Variants in TP53BP2 observed in about 807,000 individuals in gnomAD.
The protein encoded by TP53BP2 is apoptosis-stimulating of p53 protein 2.
In TP53BP2, 62 loss-of-function variants were observed where a neutral mutation model predicts 126.2. That is an observed-to-expected ratio of 0.49 (90% CI 0.40 to 0.61). TP53BP2 has a LOEUF of 0.61. TP53BP2 is among the 20% of genes least tolerant of loss of function. TP53BP2 has a pLI of 0.00. For synonymous variants in TP53BP2, 485 were observed against 502.9 expected, an observed-to-expected ratio of 0.96 and a Z score of 0.48; for missense variants, 1,215 against 1,402.8, an observed-to-expected ratio of 0.87 and a Z score of 2.14.
intron 15 of TP53BP2, 39 bp downstream of exon 15, chr1:223,792,350 A>G (rs1363468888): frequency 1.3e-6 from 2 of 1,569,196 alleles, no homozygotes. Context: ...ACCGATTCCC[A>G]CAACTGAAGT....
chr1:223,843,849 C>A (rs538154365), intron 1 of TP53BP2, among the ~76,000 whole-genome samples: 2 of 152,302 alleles, frequency 1.3e-5, no homozygotes, highest in South Asian at 4.1e-4. Flanking sequence ...ACACATATAA[C>A]ATGAGTCTAC....
intron 1 of TP53BP2, 30 bp downstream of exon 1, chr1:223,845,624 G>A (rs762689675): frequency 1.3e-6 from 2 of 1,543,114 alleles, no homozygotes; most frequent in Non-Finnish European, 1.7e-6. Context: ...ACACTTCCGG[G>A]CCCGACGCCC....
At chr1:223,810,258 C>CA (rs1662866347) in intron 4 of TP53BP2, among the ~76,000 whole-genome samples, 173 bp downstream of exon 4, 1 of 152,208 alleles carries the variant, frequency 6.6e-6, no homozygotes, top group South Asian at 2.1e-4. Context: ...TTCCAATAGT[C>CA]AGCCATATAC....
chr1:223,815,238 C>T (rs1663045341), intron 2 of TP53BP2, among the ~76,000 whole-genome samples: 1 of 152,212 alleles, frequency 6.6e-6, no homozygotes, highest in South Asian at 2.1e-4. Flanking sequence ...ACAGAGCAGG[C>T]AAGCATTCAC....
intron 1 of TP53BP2, among the ~76,000 whole-genome samples, chr1:223,839,205 C>T (rs776912451): frequency 1.3e-4 from 20 of 152,138 alleles, no homozygotes; most frequent in Non-Finnish European, 2.5e-4. Flanking sequence ...GCAGACAGTT[C>T]GAATCTCATT....
intron 13 of TP53BP2, among the ~76,000 whole-genome samples, chr1:223,794,779 CT>C (rs560528399): frequency 4.6e-5 from 7 of 152,206 alleles, no homozygotes; most frequent in East Asian, 3.9e-4. Context: ...TATTTTAAAA[CT>C]TTTTTTTCTA....
chr1:223,784,469 G>A (rs1661882245), intron 16 of TP53BP2, among the ~76,000 whole-genome samples, 155 bp from the exon 17 acceptor site: 1 of 152,064 alleles, frequency 6.6e-6, no homozygotes, highest in Non-Finnish European at 1.5e-5. Flanking sequence ...TGAGGTGGGG[G>A]GTAGCATGCA....
At position 223,795,933 on chromosome 1, in the gene TP53BP2, A is replaced by T. The variant is rs1571844547; in HGVS notation, c.2606T>A (p.Leu869Gln). The T allele has an allele frequency of 1.2e-6, 2 of 1,614,050 alleles. No individual in the cohort carries two copies. The highest frequency in any genetic ancestry group is 8.5e-7 in the Non-Finnish European group (1 of 1,179,990). The change falls in exon 13 of 18, where the codon CTG (leucine) becomes CAG (glutamine). Residue 869 changes from leucine (L) to glutamine (Q), a missense_variant. By Grantham distance (113) the Leu-to-Gln change is moderately radical. Around this residue, in one of 4 missense-constraint regions of TP53BP2, gnomAD observed 204 missense variants for 225.7 expected, o/e 0.90. Transcript: ENST00000343537. ...GGGTGGGTATGGAGGGTACTCCTCC[A>T]GGTACACATCAAGCACATGTGGAGC... is the stretch of plus-strand genomic sequence containing the variant. Reference protein sequence around the residue: ...PEAPHVLDVYLEEYPPYPPPP... With the variant: ...PEAPHVLDVYQEEYPPYPPPP...
intron 1 of TP53BP2, among the ~76,000 whole-genome samples, chr1:223,827,220 GA>G (rs1663529572): frequency 6.6e-6 from 1 of 152,184 alleles, no homozygotes; most frequent in East Asian, 1.9e-4. Context: ...CTAGAGACAG[GA>G]AAGAATGCTG....
chr1:223,845,377 C>CT, intron 1 of TP53BP2: 1 of 558,882 alleles, frequency 1.8e-6, no homozygotes, highest in Non-Finnish European at 2.3e-6. Context: ...TGAGTGGCTG[C>CT]TGGGCTCGCG....
rs1314637633 is a variant in TP53BP2, at chr1:223,793,287, CTAATTA to C, written c.2862+10_2862+15del. On this transcript the variant is annotated intron_variant, in intron 14 of 17. Coordinates refer to ENST00000343537, the MANE Select transcript of TP53BP2 (RefSeq NM_001031685.3). ...ACTCTGACTCAAAAAAAAAAATTTACTAATTATAATCATACCTCATAAATAATTCTC... is the reference window on the plus strand; with the variant it reads ...ACTCTGACTCAAAAAAAAAAATTTACTAATCATACCTCATAAATAATTCTC... 2 of 1,505,294 alleles carry C rather than the reference CTAATTA, an allele frequency of 1.3e-6. No individual in the cohort carries two copies. Among genetic ancestry groups the C allele is most frequent in the Non-Finnish European group, 1.8e-6 (2 of 1,128,080 alleles). 93.2% of individuals were successfully genotyped at this position (1,505,294 alleles called of 1,614,324 possible).
chr1:223,803,312 A>G lies in TP53BP2; in HGVS notation c.790T>C (p.Ser264Pro), dbSNP rs1369627901. Residue 264 changes from serine (S) to proline (P), a missense_variant, in exon 7 of 18, where the codon TCT (serine) becomes CCT (proline). Physicochemically the swap from Ser to Pro is moderately conservative, Grantham distance 74. Coordinates refer to ENST00000343537, the MANE Select transcript of TP53BP2 (RefSeq NM_001031685.3). ...AGGCGATCAAGCTCAGCCACTGCAG[A>G]CTGATTGTCATGGTGGCTGTCGATC... ...GRIDSHHDNQSAVAELDRLYK... is the reference protein window; with the variant it reads ...GRIDSHHDNQPAVAELDRLYK... The G allele has an allele frequency of 2.5e-6, 4 of 1,613,424 alleles. No individual in the cohort carries two copies. The South Asian group carries it at 3.3e-5, about 13-fold the overall frequency.
chr1:223,806,561 C>T (rs1363636274), intron 5 of TP53BP2, among the ~76,000 whole-genome samples: 4 of 152,130 alleles, frequency 2.6e-5, no homozygotes, highest in South Asian at 2.1e-4. Flanking sequence ...CGGGGGTTCA[C>T]GCCTGTAATC....
In TP53BP2 at chr1:223,798,512, T is replaced by C. The variant is rs1448717947; in HGVS notation, c.1651A>G (p.Lys551Glu). The C allele has an allele frequency of 1.9e-6, 3 of 1,614,022 alleles. No individual in the cohort carries two copies. The African/African-American group carries it at 4.0e-5, about 22-fold the overall frequency. The change falls in exon 12 of 18, where the codon AAA becomes GAA. Residue 551 changes from lysine (K) to glutamate (E), a missense_variant. Coordinates refer to ENST00000343537, the MANE Select transcript of TP53BP2 (RefSeq NM_001031685.3). ...ACTCTCGGCTGCTGCCCTGCTGGTT[T>C]TGGTTTAGTTCCCATGGACGGAACA... ...TVVPSMGTKP[K>E]PAGQQPRVLL...
At chr1:223,782,471 A>G (rs1047024214) in intron 17 of TP53BP2, among the ~76,000 whole-genome samples, 13 of 152,176 alleles carry the variant, frequency 8.5e-5, no homozygotes, top group African/African-American at 2.9e-4. Context: ...AACAGCCTTT[A>G]TATTTCTACT....
chr1:223,820,666 G>C (rs912306916), intron 2 of TP53BP2, among the ~76,000 whole-genome samples: 1 of 152,184 alleles, frequency 6.6e-6, no homozygotes, highest in Non-Finnish European at 1.5e-5. Context: ...AGTTCATCCA[G>C]CCTGTGTAGG....
chr1:223,812,601 G>A (rs1357011882), intron 3 of TP53BP2, among the ~76,000 whole-genome samples: 2 of 151,574 alleles, frequency 1.3e-5, no homozygotes, highest in South Asian at 4.2e-4. Flanking sequence ...TTGCTGTGTC[G>A]CCAGGCTGCA....
rs764118101 is a variant in TP53BP2 at position 223,792,370 on chromosome 1, G to A, written c.2996+19C>T. The A allele has an allele frequency of 1.9e-6, 3 of 1,590,756 alleles. No homozygotes were observed. In the South Asian group the frequency reaches 3.4e-5, roughly 18 times the overall value. ...TTCCCACAACTGAAGTTTGACTGGA[G>A]TTTAAAAGAAAATCTTACCATCCAT... is the stretch of plus-strand genomic sequence containing the variant. On this transcript the variant is annotated intron_variant, in intron 15 of 17. Transcript: ENST00000343537.
chr1:223,802,295 C>T lies in TP53BP2; in HGVS notation c.1046G>A (p.Arg349His), dbSNP rs1167102624. 1.2e-5 allele frequency: 19 copies of T among 1,614,044 alleles called. No homozygotes were observed. Among genetic ancestry groups the T allele is most frequent in the Non-Finnish European group, 1.5e-5 (18 of 1,180,024 alleles). ...LPQQAASAPS[R>H]VAAVGPYIQS... ...GATATAGGGACCTACTGCAGCCACACGGCTTGGGGCTGACGCGGCTTGCTG... is the reference window on the plus strand; with the variant it reads ...GATATAGGGACCTACTGCAGCCACATGGCTTGGGGCTGACGCGGCTTGCTG... The change falls in exon 9 of 18, where the codon CGT (arginine) becomes CAT (histidine). Residue 349 changes from arginine (R) to histidine (H), a missense_variant. Coordinates refer to ENST00000343537, the MANE Select transcript of TP53BP2 (RefSeq NM_001031685.3).
Sources: allele counts gnomAD v4.1 joint callset (sites outside exome capture counted in the v4.1 genomes callset), GRCh38; gene constraint gnomAD v4.1.1; regional missense constraint gnomAD v4.1.1; transcripts MANE v1.5; gene names NCBI Gene and HGNC (gene_info 2026-07-23, HGNC 2026-07-21).